AGPAT4: variants seen among roughly 807,000 people sequenced by gnomAD.
AGPAT4 encodes the protein 1-acylglycerol-3-phosphate O-acyltransferase 4, also known as 1-acyl-sn-glycerol-3-phosphate acyltransferase delta.
AGPAT4 carries 15 observed loss-of-function variants against 48.0 expected under a neutral mutation model. The ratio of observed to expected loss-of-function variants is 0.31; its 90% CI spans 0.21 to 0.48. The LOEUF (loss-of-function observed/expected upper bound fraction) is 0.48, where lower values mean the gene tolerates loss of function less well. AGPAT4 is among the 20% of genes least tolerant of loss of function. AGPAT4 has a pLI of 0.99. For synonymous variants in AGPAT4, 178 were observed against 198.7 expected (o/e 0.90, Z 0.88); for missense variants, 314 against 482.5 (o/e 0.65, Z 3.27).
chr6:161,266,589 A>T lies in AGPAT4; in HGVS notation c.-90+7349T>A, dbSNP rs555625762. ...TAGAAATGGACTCACAGGCATAGAA[A>T]TGGTTCCTATGCAGGCTACCCACAC... On this transcript the variant is annotated intron_variant, in intron 1 of 8. Coordinates refer to ENST00000320285, the MANE Select transcript of AGPAT4 (RefSeq NM_020133.3). This position sits in a 1 kb window ranked among gnomAD's most constrained non-coding sequence, Gnocchi z 6.2. 6.6e-6 allele frequency among the ~76,000 whole-genome samples: 1 copy of T among 152,256 alleles called. No homozygotes were observed. The highest frequency in any genetic ancestry group is 1.5e-5 in the Non-Finnish European group (1 of 68,010).
In AGPAT4 at chr6:161,272,049, A is replaced by G. The variant is rs571051095; in HGVS notation, c.-90+1889T>C. ...CTTTTCTGTGTGTTATGCCCTTTAA[A>G]TAGTTCTCGTCTTTAACTCCATGTG... On this transcript the variant is annotated intron_variant, in intron 1 of 8. Coordinates refer to ENST00000320285, the MANE Select transcript of AGPAT4 (RefSeq NM_020133.3). This position sits in a 1 kb window ranked among gnomAD's most constrained non-coding sequence, Gnocchi z 4.2. Among the ~76,000 whole-genome samples, 7 of 152,282 alleles carry G rather than the reference A, an allele frequency of 4.6e-5. No homozygotes were observed. In the South Asian group the frequency reaches 1.2e-3, roughly 27 times the overall value.
At chr6:161,162,511 C>T (rs1424701752) in intron 3 of AGPAT4, among the ~76,000 whole-genome samples, 3 of 152,186 alleles carry the variant, frequency 2.0e-5, no homozygotes, top group Admixed American at 6.5e-5. Flanking sequence ...GCAGCAAACC[C>T]GTGAGCAAGC....
Position 161,147,636 on chromosome 6 carries a change from C to T in AGPAT4, c.768-1037G>A, listed in dbSNP as rs147967343. Among the ~76,000 whole-genome samples the T allele has an allele frequency of 5.3e-5, 8 of 152,292 alleles. No individual in the cohort carries two copies. The highest frequency in any genetic ancestry group is 1.9e-4 in the African/African-American group (8 of 41,566). On this transcript the variant is annotated intron_variant, in intron 6 of 8. Transcript: ENST00000320285. The surrounding 1 kb of genome is among the most constrained non-coding windows in gnomAD (Gnocchi z 4.8). ...AAGTTTTTCACATAATTAGAACTTACCCCATAAGCTCCTCCGGAAATATTC... is the reference window on the plus strand; with the variant it reads ...AAGTTTTTCACATAATTAGAACTTATCCCATAAGCTCCTCCGGAAATATTC...
chr6:161,176,749 A>T (rs1780441359), intron 2 of AGPAT4, among the ~76,000 whole-genome samples: 1 of 151,120 alleles, frequency 6.6e-6, no homozygotes, highest in African/African-American at 2.5e-5. Flanking sequence ...TGGTCTTTAC[A>T]ATTTGGCATG....
Position 161,255,616 on chromosome 6 carries a change from G to A in AGPAT4, c.-90+18322C>T, listed in dbSNP as rs374185533. ...AAAACATGTTATATGAAAGAAACCCGTCACAAAACACCACATATGGTACGA... is the reference window on the plus strand; with the variant it reads ...AAAACATGTTATATGAAAGAAACCCATCACAAAACACCACATATGGTACGA... On this transcript the variant is annotated intron_variant, in intron 1 of 8. Coordinates refer to ENST00000320285, the MANE Select transcript of AGPAT4 (RefSeq NM_020133.3). The surrounding 1 kb of genome is among the most constrained non-coding windows in gnomAD (Gnocchi z 4.7). Among the ~76,000 whole-genome samples the A allele has an allele frequency of 1.6e-3, 242 of 152,032 alleles. 8 individuals carry two copies. The South Asian group carries it at 0.036, about 23-fold the overall frequency.
At position 161,141,726 on chromosome 6, in the gene AGPAT4, G is replaced by C. The variant is rs945606507; in HGVS notation, c.844-2106C>G. ...GCTTTTTTACAGTAATATCACAAAGGGGAACTCACCATGGTGCCTTTTCTG... is the reference window on the plus strand; with the variant it reads ...GCTTTTTTACAGTAATATCACAAAGCGGAACTCACCATGGTGCCTTTTCTG... On this transcript the variant is annotated intron_variant, in intron 7 of 8. Transcript: ENST00000320285. This position sits in a 1 kb window ranked among gnomAD's most constrained non-coding sequence, Gnocchi z 6.7. Among the ~76,000 whole-genome samples the C allele has an allele frequency of 2.0e-5, 3 of 152,048 alleles. No homozygotes were observed. Among genetic ancestry groups the C allele is most frequent in the Admixed American group, 6.5e-5 (1 of 15,276 alleles).
chr6:161,225,224 C>T lies in AGPAT4; in HGVS notation c.178+6812G>A, dbSNP rs1781943549. 6.6e-6 allele frequency among the ~76,000 whole-genome samples: 1 copy of T among 152,196 alleles called. No individual in the cohort carries two copies. The highest frequency in any genetic ancestry group is 6.5e-5 in the Admixed American group (1 of 15,272). On this transcript the variant is annotated intron_variant, in intron 2 of 8. Transcript: ENST00000320285. This position sits in a 1 kb window ranked among gnomAD's most constrained non-coding sequence, Gnocchi z 5.0. ...ATTCTGATTCCGTCCCCTGTCATAA[C>T]CATTTTTCCCGCCAAACCACTCACC...
intron 2 of AGPAT4, among the ~76,000 whole-genome samples, chr6:161,173,545 C>G (rs1424427492): frequency 3.9e-5 from 6 of 152,116 alleles, no homozygotes; most frequent in African/African-American, 1.4e-4. Flanking sequence ...TGGATATTAG[C>G]CCTTTGTCAG....
chr6:161,139,452 G>A lies in AGPAT4; in HGVS notation c.1012C>T (p.Leu338=). The change falls in exon 8 of 9, where the codon CTG becomes TTG. Residue 338 remains leucine, a synonymous_variant. Transcript: ENST00000320285. The surrounding 1 kb of genome is among the most constrained non-coding windows in gnomAD (Gnocchi z 9.1). ...SMIRSGSSLT[L]ASFILVFFVA... ...AAGAAGACGAGGATGAAGCTGGCCA[G>A]CGTCAGGGAAGACCCGCTCCTGATC... 1.2e-6 allele frequency: 2 copies of A among 1,614,124 alleles called. No individual in the cohort carries two copies. The highest frequency in any genetic ancestry group is 1.7e-6 in the Non-Finnish European group (2 of 1,180,004).
In AGPAT4 at chr6:161,218,596, T is replaced by C. The variant is rs1781720519; in HGVS notation, c.178+13440A>G. Among the ~76,000 whole-genome samples, 1 of 152,202 alleles carries C rather than the reference T, an allele frequency of 6.6e-6. No individual in the cohort carries two copies. Among genetic ancestry groups the C allele is most frequent in the African/African-American group, 2.4e-5 (1 of 41,454 alleles). Reference sequence around the variant, plus strand: ...AAGACTCCAGGCTCCAAGTGCGTGTTACCATAACACCGGGGCAGGATCCTC... The same window carrying C: ...AAGACTCCAGGCTCCAAGTGCGTGTCACCATAACACCGGGGCAGGATCCTC... On this transcript the variant is annotated intron_variant, in intron 2 of 8. Coordinates refer to ENST00000320285, the MANE Select transcript of AGPAT4 (RefSeq NM_020133.3). The surrounding 1 kb of genome is among the most constrained non-coding windows in gnomAD (Gnocchi z 4.7).
Position 161,206,704 on chromosome 6 carries a change from C to A in AGPAT4, c.178+25332G>T, listed in dbSNP as rs1386311322. ...GAAAAAGACAATTGACACATGCCAA[C>A]CCTGGGATGACACAGACATGGAAGA... is the stretch of plus-strand genomic sequence containing the variant. On this transcript the variant is annotated intron_variant, in intron 2 of 8. Transcript: ENST00000320285. The surrounding 1 kb of genome is among the most constrained non-coding windows in gnomAD (Gnocchi z 4.8). Among the ~76,000 whole-genome samples the A allele has an allele frequency of 3.9e-5, 6 of 152,034 alleles. No homozygotes were observed. Among genetic ancestry groups the A allele is most frequent in the Non-Finnish European group, 7.4e-5 (5 of 68,022 alleles).
Position 161,142,631 on chromosome 6 carries a change from G to A in AGPAT4, c.844-3011C>T, listed in dbSNP as rs954382731. ...AGCACGTCCGCTCAGCTTTCCCAGG[G>A]CCCAGGAGAAGAAAGAAGGGAGAAA... On this transcript the variant is annotated intron_variant, in intron 7 of 8. Coordinates refer to ENST00000320285, the MANE Select transcript of AGPAT4 (RefSeq NM_020133.3). The surrounding 1 kb of genome is among the most constrained non-coding windows in gnomAD (Gnocchi z 6.4). Among the ~76,000 whole-genome samples the A allele has an allele frequency of 1.3e-5, 2 of 152,170 alleles. No individual in the cohort carries two copies. Among genetic ancestry groups the A allele is most frequent in the African/African-American group, 2.4e-5 (1 of 41,446 alleles).
chr6:161,273,477 A>T (rs1293075887), intron 1 of AGPAT4, among the ~76,000 whole-genome samples: 4 of 152,262 alleles, frequency 2.6e-5, no homozygotes, highest in African/African-American at 9.6e-5. Context: ...CATATTGTGT[A>T]GTATTTTTGT....
At chr6:161,224,640 CA>C (rs71543000) in intron 2 of AGPAT4, among the ~76,000 whole-genome samples, 1,223 of 78,654 alleles carry the variant, frequency 0.016, 9 homozygotes, top group African/African-American at 0.047. Flanking sequence ...GACTCCTTCT[CA>C]AAAAAAAAAA....
Position 161,136,494 on chromosome 6 carries a change from C to T in AGPAT4, c.*46G>A, listed in dbSNP as rs371167389. On this transcript the variant is annotated 3_prime_UTR_variant, in exon 9 of 9. Coordinates refer to ENST00000320285, the MANE Select transcript of AGPAT4 (RefSeq NM_020133.3). ...TCCCACTAAGGAGGATATGCAGAGG[C>T]CACCAGTTCCCCAAGGTTCCCTTCG... 1.1e-4 allele frequency: 174 copies of T among 1,561,946 alleles called. 3 individuals are homozygous for T. In the Middle Eastern group the frequency reaches 1.3e-3, roughly 12 times the overall value.
In AGPAT4 at chr6:161,251,511, C is replaced by G. The variant is rs1318772101; in HGVS notation, c.-89-19209G>C. ...GCCCCCAGCTCTTTCCTTGGCCTTG[C>G]TCTCTTGGCCTCTCCACCTGATCTC... is the stretch of plus-strand genomic sequence containing the variant. On this transcript the variant is annotated intron_variant, in intron 1 of 8. Coordinates refer to ENST00000320285, the MANE Select transcript of AGPAT4 (RefSeq NM_020133.3). The surrounding 1 kb of genome is among the most constrained non-coding windows in gnomAD (Gnocchi z 4.6). Among the ~76,000 whole-genome samples, 1 of 152,220 alleles carries G rather than the reference C, an allele frequency of 6.6e-6. No homozygotes were observed. Among genetic ancestry groups the G allele is most frequent in the Non-Finnish European group, 1.5e-5 (1 of 68,050 alleles).
rs991998852 is a variant in AGPAT4 at position 161,264,977 on chromosome 6, A to G, written c.-90+8961T>C. On this transcript the variant is annotated intron_variant, in intron 1 of 8. Coordinates refer to ENST00000320285, the MANE Select transcript of AGPAT4 (RefSeq NM_020133.3). This position sits in a 1 kb window ranked among gnomAD's most constrained non-coding sequence, Gnocchi z 6.8. ...GTAAAGGTGGCCCCTCCTGTAAGTG[A>G]GAAGCACCAGGGACGGAAAGGGAAA... Among the ~76,000 whole-genome samples, 4 of 152,156 alleles carry G rather than the reference A, an allele frequency of 2.6e-5. No individual in the cohort carries two copies. Among genetic ancestry groups the G allele is most frequent in the Admixed American group, 2.6e-4 (4 of 15,268 alleles).
rs1158056617 is a variant in AGPAT4, at chr6:161,219,826, G to A, written c.178+12210C>T. Among the ~76,000 whole-genome samples the A allele has an allele frequency of 1.2e-5, 1 of 83,728 alleles. No individual in the cohort carries two copies. Among genetic ancestry groups the A allele is most frequent in the Non-Finnish European group, 2.4e-5 (1 of 41,684 alleles). 54.9% of individuals were successfully genotyped at this position (83,728 alleles called of 152,430 possible). ...ATTCACAGTAAAAAAGATAGACAGAGATAGATAGATAGATAGATAGATAGA... is the reference window on the plus strand; with the variant it reads ...ATTCACAGTAAAAAAGATAGACAGAAATAGATAGATAGATAGATAGATAGA... On this transcript the variant is annotated intron_variant, in intron 2 of 8. Transcript: ENST00000320285. The surrounding 1 kb of genome is among the most constrained non-coding windows in gnomAD (Gnocchi z 4.9).
Position 161,251,375 on chromosome 6 carries a change from C to T in AGPAT4, c.-89-19073G>A, listed in dbSNP as rs1438182986. ...CAGACATGAATTGAACTGTAGGGGT[C>T]AATTCTCTAACTATTCCTTTGATAG... On this transcript the variant is annotated intron_variant, in intron 1 of 8. Coordinates refer to ENST00000320285, the MANE Select transcript of AGPAT4 (RefSeq NM_020133.3). The surrounding 1 kb of genome is among the most constrained non-coding windows in gnomAD (Gnocchi z 4.6). 2.6e-5 allele frequency among the ~76,000 whole-genome samples: 4 copies of T among 152,300 alleles called. No homozygotes were observed. Among genetic ancestry groups the T allele is most frequent in the African/African-American group, 9.6e-5 (4 of 41,568 alleles).
Sources: gnomAD v4.1 joint callset for allele counts (sites outside exome capture counted in the v4.1 genomes callset) on GRCh38, gnomAD v4.1.1 for gene constraint, Gnocchi (gnomAD v3.1) non-coding constraint, MANE v1.5 for transcripts, NCBI Gene and HGNC (gene_info 2026-07-23, HGNC 2026-07-21) for gene names.